Variants in RSU1 observed in about 807,000 individuals in gnomAD.
RSU1 encodes the protein rsu-1.
A neutral mutation model predicts 31.1 loss-of-function variants in RSU1; 26 were observed. The observed-to-expected ratio is 0.84, with a 90% CI of 0.61 to 1.16. RSU1 has a LOEUF of 1.16. Among genes scored for constraint, RSU1 ranks in the 50% most tolerant of loss-of-function variants. The probability of loss-of-function intolerance (pLI) is 0.00; values close to 1 mark genes in which losing one functional copy is unlikely to be tolerated. For missense variants in RSU1, 320 were observed against 339.1 expected, an observed-to-expected ratio of 0.94 and a Z score of 0.44; for synonymous variants, 164 against 136.3, an observed-to-expected ratio of 1.20 and a Z score of -1.41.
intron 2 of RSU1, among the ~76,000 whole-genome samples, chr10:16,804,391 G>A (rs11254201): frequency 2.0e-5 from 3 of 152,104 alleles, no homozygotes; most frequent in Admixed American, 1.3e-4. Flanking sequence ...ACAGCCACTC[G>A]AGAAGACAGC....
chr10:16,664,235 G>T (rs913702047), intron 8 of RSU1, among the ~76,000 whole-genome samples: 3 of 152,124 alleles, frequency 2.0e-5, no homozygotes, highest in African/African-American at 7.2e-5. Context: ...TCACTCCACG[G>T]ATATTCCATT....
chr10:16,650,962 A>ATT (rs774338910), intron 8 of RSU1, among the ~76,000 whole-genome samples: 2 of 152,200 alleles, frequency 1.3e-5, no homozygotes. Flanking sequence ...TTTAATATTT[A>ATT]TAACGGATGC....
intron 2 of RSU1, among the ~76,000 whole-genome samples, chr10:16,808,431 C>A (rs1176983624): frequency 2.0e-5 from 3 of 149,100 alleles, no homozygotes; most frequent in Admixed American, 6.8e-5. Context: ...CTGCAGTGAC[C>A]GTGATCATGC....
rs7917705 is a variant in RSU1, at chr10:16,791,717, G to T, written c.110-9633C>A. Among the ~76,000 whole-genome samples, 1,496 of 152,158 alleles carry T rather than the reference G, an allele frequency of 9.8e-3. 38 individuals are homozygous for T. Among genetic ancestry groups the T allele is most frequent in the African/African-American group, 0.035 (1,436 of 41,518 alleles). On this transcript the variant is annotated intron_variant, in intron 2 of 8. Transcript: ENST00000345264. ...ATGTCTAGATAACTCATGGAAGCAG[G>T]TATCAGTATTTGAAATAGGTCCCGC...
chr10:16,753,942 C>T (rs912253866), intron 5 of RSU1, among the ~76,000 whole-genome samples: 1 of 151,992 alleles, frequency 6.6e-6, no homozygotes, highest in East Asian at 1.9e-4. Context: ...ATTTTTATTT[C>T]TAGAGACAGG....
chr10:16,696,555 G>C (rs1401959431), intron 7 of RSU1, among the ~76,000 whole-genome samples: 1 of 152,170 alleles, frequency 6.6e-6, no homozygotes, highest in African/African-American at 2.4e-5. Flanking sequence ...TCAAGAGAGA[G>C]TAATTCATCA....
At chr10:16,699,978 T>A (rs1182271129) in intron 7 of RSU1, among the ~76,000 whole-genome samples, 1 of 152,222 alleles carries the variant, frequency 6.6e-6, no homozygotes, top group Non-Finnish European at 1.5e-5. Flanking sequence ...GTGTAAACAT[T>A]AAATCATGCA....
At chr10:16,700,061 T>C (rs1361451197) in intron 7 of RSU1, among the ~76,000 whole-genome samples, 1 of 152,194 alleles carries the variant, frequency 6.6e-6, no homozygotes, top group African/African-American at 2.4e-5. Flanking sequence ...TTAATAAGCA[T>C]GCTCATTTTC....
intron 2 of RSU1, among the ~76,000 whole-genome samples, chr10:16,795,353 C>CAAAAAAAAAA (rs532677802): frequency 1.3e-5 from 1 of 75,240 alleles, no homozygotes; most frequent in Non-Finnish European, 2.7e-5. Context: ...GACTCCATCT[C>CAAAAAAAAAA]AAAAAAAAAA....
At chr10:16,727,033 GAA>G (rs1201310294) in intron 7 of RSU1, 1 of 456,342 alleles carries the variant, frequency 2.2e-6, no homozygotes, top group Non-Finnish European at 4.4e-6. Context: ...CAACTTACCT[GAA>G]GTTAATGAGG....
At chr10:16,670,241 G>T (rs1445179398) in intron 8 of RSU1, among the ~76,000 whole-genome samples, 1 of 152,188 alleles carries the variant, frequency 6.6e-6, no homozygotes, top group Non-Finnish European at 1.5e-5. Flanking sequence ...ACTTGGCTTG[G>T]TGCCTAAAAT....
chr10:16,725,543 C>T (rs1004955773), intron 7 of RSU1, among the ~76,000 whole-genome samples: 1 of 152,044 alleles, frequency 6.6e-6, no homozygotes, highest in African/African-American at 2.4e-5. Context: ...TGTTTACAAG[C>T]ACACCTAAAC....
intron 7 of RSU1, among the ~76,000 whole-genome samples, chr10:16,742,814 A>G (rs1836779386): frequency 6.6e-6 from 1 of 152,196 alleles, no homozygotes; most frequent in African/African-American, 2.4e-5. Context: ...TACAAAACGG[A>G]AACGCTTTAT....
At chr10:16,645,494 C>A (rs377074796) in intron 8 of RSU1, among the ~76,000 whole-genome samples, 12 of 152,058 alleles carry the variant, frequency 7.9e-5, no homozygotes, top group Admixed American at 7.9e-4. Context: ...GTCACTTCAT[C>A]TCTCATAAAT....
intron 8 of RSU1, among the ~76,000 whole-genome samples, chr10:16,609,195 G>A (rs954680212): frequency 2.0e-5 from 3 of 152,142 alleles, no homozygotes; most frequent in African/African-American, 7.2e-5. Context: ...GTCTGCAAGT[G>A]CAAAAAGCTT....
At chr10:16,644,176 G>T (rs993661260) in intron 8 of RSU1, among the ~76,000 whole-genome samples, 3 of 152,026 alleles carry the variant, frequency 2.0e-5, no homozygotes, top group Admixed American at 6.6e-5. Flanking sequence ...AGCTGTATTT[G>T]GCACCTGCAA....
In RSU1 at chr10:16,610,037, C is replaced by G. The variant is rs139755413; in HGVS notation, c.732-16541G>C. ...ATTTTAATATCATATTTTATTTAAC[C>G]CAATATAGCCAAAATATCATTTCAA... On this transcript the variant is annotated intron_variant, in intron 8 of 8. Transcript: ENST00000345264. Among the ~76,000 whole-genome samples, 512 of 152,106 alleles carry G rather than the reference C, an allele frequency of 3.4e-3. 2 individuals are homozygous for G. The highest frequency in any genetic ancestry group is 0.012 in the African/African-American group (484 of 41,478).
intron 1 of RSU1, 76 bp downstream of exon 1, chr10:16,817,239 T>TGGGGAAGGGCAGG: frequency 4.9e-6 from 3 of 607,102 alleles, no homozygotes; most frequent in African/African-American, 1.8e-5. Flanking sequence ...GGGGAGGGGA[T>TGGGGAAGGGCAGG]GGAGTGGGAA....
chr10:16,757,039 GGT>G (rs1243551400), intron 4 of RSU1, among the ~76,000 whole-genome samples: 6 of 147,232 alleles, frequency 4.1e-5, no homozygotes, highest in African/African-American at 1.3e-4. Flanking sequence ...GTGTGTGTGT[GGT>G]GTGTGTGTGG....
Sources: gnomAD v4.1 joint callset for allele counts (sites outside exome capture counted in the v4.1 genomes callset) on GRCh38, gnomAD v4.1.1 for gene constraint, MANE v1.5 for transcripts, NCBI Gene and HGNC (gene_info 2026-07-23, HGNC 2026-07-21) for gene names.